TMEM163: variants seen among roughly 807,000 people sequenced by gnomAD.
TMEM163 encodes transmembrane protein 163.
TMEM163 carries 17 observed loss-of-function variants against 29.3 expected under a neutral mutation model. The observed-to-expected ratio is 0.58, with a 90% CI of 0.40 to 0.87. TMEM163 has a LOEUF of 0.87. Among genes scored for constraint, TMEM163 ranks in the 40% least tolerant of loss-of-function variants. TMEM163 has a pLI of 0.00. For missense variants in TMEM163, 303 were observed against 381.5 expected (o/e 0.79, Z 1.71); for synonymous variants, 157 against 160.6 (o/e 0.98, Z 0.17).
chr2:134,689,899 A>G (rs1039528454), intron 2 of TMEM163, among the ~76,000 whole-genome samples: 7 of 151,540 alleles, frequency 4.6e-5, no homozygotes, highest in Non-Finnish European at 7.4e-5. Context: ...GTAAAAGTCA[A>G]CTTGCTCCTT....
chr2:134,634,613 T>C (rs115407025), intron 2 of TMEM163, among the ~76,000 whole-genome samples: 1,851 of 152,124 alleles, frequency 0.012, 46 homozygotes, highest in African/African-American at 0.041. Context: ...GAAAATAGGA[T>C]TAAGGTGGAG....
rs747537654 is a variant in TMEM163 at position 134,458,140 on chromosome 2, A to G, written c.701T>C (p.Phe234Ser). The change falls in exon 7 of 8, where the codon TTC (phenylalanine) becomes TCC (serine). Residue 234 changes from phenylalanine to serine, a missense_variant. Transcript: ENST00000281924. The part of the protein sequence containing the change: ...FNSLVGGVMG[F>S]SILLSAEVFK... The stretch of plus-strand genomic sequence containing the variant: ...CACTTCCGCGCTCAGAAGAATGGAG[A>G]AGCCCATCACGCCACCCACGAGGGA... The G allele has an allele frequency of 7.4e-6, 12 of 1,614,122 alleles. No homozygotes were observed. The highest frequency in any genetic ancestry group is 1.0e-5 in the Non-Finnish European group (12 of 1,180,030).
chr2:134,471,940 G>A (rs2106476513), intron 5 of TMEM163, among the ~76,000 whole-genome samples: 1 of 152,338 alleles, frequency 6.6e-6, no homozygotes, highest in Admixed American at 6.5e-5. Flanking sequence ...TGGACTCCGT[G>A]AAAACAGCAA....
intron 2 of TMEM163, among the ~76,000 whole-genome samples, chr2:134,587,718 T>A (rs1265566482): frequency 1.3e-5 from 2 of 152,242 alleles, no homozygotes; most frequent in Non-Finnish European, 2.9e-5. Flanking sequence ...GGGATTCTTT[T>A]TGTAGGTAAC....
At chr2:134,517,797 A>C (rs2106493799) in intron 4 of TMEM163, among the ~76,000 whole-genome samples, 1 of 152,332 alleles carries the variant, frequency 6.6e-6, no homozygotes, top group East Asian at 1.9e-4. Context: ...AATAGGTTTA[A>C]GGCTCAGATT....
chr2:134,681,542 C>T (rs796875646), intron 2 of TMEM163, among the ~76,000 whole-genome samples: 23 of 152,208 alleles, frequency 1.5e-4, no homozygotes, highest in African/African-American at 5.1e-4. Flanking sequence ...TCTCTTTCTG[C>T]CCCAACCCCC....
chr2:134,519,754 G>C (rs1680152345), intron 4 of TMEM163, among the ~76,000 whole-genome samples: 1 of 151,608 alleles, frequency 6.6e-6, no homozygotes. Context: ...CACCAGGCGT[G>C]GTGGTATACG....
intron 4 of TMEM163, among the ~76,000 whole-genome samples, chr2:134,509,379 T>C (rs1156382433): frequency 6.6e-6 from 1 of 152,194 alleles, no homozygotes; most frequent in Non-Finnish European, 1.5e-5. Context: ...ATGGGGTCAA[T>C]TTATGTGGAC....
chr2:134,487,549 G>C (rs1006475482), intron 5 of TMEM163, among the ~76,000 whole-genome samples: 1 of 152,190 alleles, frequency 6.6e-6, no homozygotes, highest in African/African-American at 2.4e-5. Context: ...TGGCAAACCA[G>C]TTTTGAAATT....
At chr2:134,624,337 A>G (rs1442310759) in intron 2 of TMEM163, among the ~76,000 whole-genome samples, 3 of 152,220 alleles carry the variant, frequency 2.0e-5, no homozygotes, top group South Asian at 2.1e-4. Flanking sequence ...ACAGGAGGCC[A>G]TTATCCTTAG....
In TMEM163 at chr2:134,713,170, A is replaced by T. The variant is rs372849179; in HGVS notation, c.322+30T>A. ...AGAATAAAACGGGCAACAGCAGCAC[A>T]TATTGGCCGACGAGACCCTTGATAC... On this transcript the variant is annotated intron_variant, in intron 2 of 7. Coordinates refer to ENST00000281924, the MANE Select transcript of TMEM163 (RefSeq NM_030923.5). The T allele has an allele frequency of 3.2e-5, 51 of 1,609,134 alleles. No homozygotes were observed. In the East Asian group the frequency reaches 4.7e-4, roughly 15 times the overall value.
At chr2:134,674,610 G>A (rs35570087) in intron 2 of TMEM163, among the ~76,000 whole-genome samples, 82,750 of 151,360 alleles carry the variant, frequency 0.55, 23,685 homozygotes, top group African/African-American at 0.65. Context: ...CGCCCCCGTC[G>A]GCCTCCCAAA....
intron 4 of TMEM163, among the ~76,000 whole-genome samples, chr2:134,520,865 G>A (rs1173693577): frequency 6.6e-6 from 1 of 152,214 alleles, no homozygotes; most frequent in Non-Finnish European, 1.5e-5. Context: ...CTTCTGTGAG[G>A]CTCATAAAGA....
At chr2:134,651,999 T>C (rs1574311611) in intron 2 of TMEM163, among the ~76,000 whole-genome samples, 1 of 132,288 alleles carries the variant, frequency 7.6e-6, no homozygotes, top group East Asian at 2.0e-4. Flanking sequence ...GCTTTGTTCT[T>C]TTGGCTTAGG....
intron 1 of TMEM163, among the ~76,000 whole-genome samples, chr2:134,717,426 G>C (rs769147351): frequency 5.9e-5 from 9 of 152,184 alleles, no homozygotes; most frequent in Non-Finnish European, 1.2e-4. Flanking sequence ...TGCCACTGGA[G>C]CAGCTCCAGT....
At chr2:134,712,459 G>A (rs962067815) in intron 2 of TMEM163, among the ~76,000 whole-genome samples, 3 of 143,896 alleles carry the variant, frequency 2.1e-5, no homozygotes, top group Non-Finnish European at 4.5e-5. Context: ...TCTTTCCCCC[G>A]CATCAAAAAA....
At chr2:134,481,868 T>G (rs1679193221) in intron 5 of TMEM163, among the ~76,000 whole-genome samples, 1 of 152,202 alleles carries the variant, frequency 6.6e-6, no homozygotes, top group African/African-American at 2.4e-5. Context: ...TGAAGATGGC[T>G]GGTCCACTCA....
chr2:134,718,466 G>A (rs1685086230), intron 1 of TMEM163, among the ~76,000 whole-genome samples: 2 of 152,266 alleles, frequency 1.3e-5, no homozygotes, highest in South Asian at 2.1e-4. Context: ...CCTGGAGCTG[G>A]CGGAGAGGAG....
intron 2 of TMEM163, among the ~76,000 whole-genome samples, chr2:134,596,930 A>G (rs1466453842): frequency 6.6e-6 from 1 of 152,204 alleles, no homozygotes; most frequent in Non-Finnish European, 1.5e-5. Context: ...CTATTGGTGT[A>G]TAAGAATACT....
Sources: allele counts gnomAD v4.1 joint callset (sites outside exome capture counted in the v4.1 genomes callset), GRCh38; gene constraint gnomAD v4.1.1; transcripts MANE v1.5; gene names NCBI Gene and HGNC (gene_info 2026-07-23, HGNC 2026-07-21).